Variants in PRKG1 observed in about 807,000 individuals in gnomAD.
PRKG1 encodes cGMP-dependent protein kinase 1.
Under a neutral mutation model 88.1 loss-of-function variants are expected in PRKG1, and 35 were observed. The ratio of observed to expected loss-of-function variants is 0.40; its 90% CI spans 0.30 to 0.53. The LOEUF is 0.53. Among genes scored for constraint, PRKG1 ranks in the 20% least tolerant of loss-of-function variants. The pLI is 0.59. For missense variants in PRKG1, 540 were observed against 839.8 expected (o/e 0.64, Z 4.41); for synonymous variants, 303 against 292.5 (o/e 1.04, Z -0.37).
chr10:51,746,905 C>T lies in PRKG1; in HGVS notation c.593-57680C>T, dbSNP rs763930258. On this transcript the variant is annotated intron_variant, in intron 3 of 17. Coordinates refer to ENST00000373980, the MANE Select transcript of PRKG1 (RefSeq NM_006258.4). ...AAATATTATTTTCCAAGTATGCCAACGCTTTGCTGTTTAATCCTCTGGACT... is the reference window on the plus strand; with the variant it reads ...AAATATTATTTTCCAAGTATGCCAATGCTTTGCTGTTTAATCCTCTGGACT... Among the ~76,000 whole-genome samples, 8 of 152,272 alleles carry T rather than the reference C, an allele frequency of 5.3e-5. No individual in the cohort carries two copies. The South Asian group carries it at 6.2e-4, about 12-fold the overall frequency.
At chr10:51,623,952 C>A (rs751050540) in intron 3 of PRKG1, among the ~76,000 whole-genome samples, 4 of 152,082 alleles carry the variant, frequency 2.6e-5, no homozygotes, top group Non-Finnish European at 5.9e-5. Context: ...AAAAAATAGA[C>A]CCCAGACACC....
At chr10:51,760,190 A>G (rs1837982185) in intron 3 of PRKG1, among the ~76,000 whole-genome samples, 2 of 152,200 alleles carry the variant, frequency 1.3e-5, no homozygotes, top group South Asian at 4.1e-4. Context: ...CTCAATTCAT[A>G]GTTTCCCTTC....
At chr10:52,042,325 A>G (rs1290443605) in intron 5 of PRKG1, among the ~76,000 whole-genome samples, 1 of 152,172 alleles carries the variant, frequency 6.6e-6, no homozygotes, top group African/African-American at 2.4e-5. Flanking sequence ...ACTTCAAAAT[A>G]CACTAACAAG....
chr10:51,570,067 A>ATATATATATATATATG lies in PRKG1; in HGVS notation c.592+102232_592+102233insATATATATATATATGT, dbSNP rs1491310201. Among the ~76,000 whole-genome samples, 620 of 113,028 alleles carry ATATATATATATATATG rather than the reference A, an allele frequency of 5.5e-3. 13 individuals are homozygous for ATATATATATATATATG. Among genetic ancestry groups the ATATATATATATATATG allele is most frequent in the Admixed American group, 0.032 (367 of 11,368 alleles). The allele number at this position is 113,028 out of a possible 152,430, so 74.2% of individuals were successfully genotyped here. A position where few individuals can be genotyped will look rare whatever the true frequency, so the allele number is the denominator to read the frequency against. ...CAAACTAGTATATATATATATATAT[A>ATATATATATATATATG]TGTGTGTGTGTGTTTATATATGTAT... On this transcript the variant is annotated intron_variant, in intron 3 of 17. Transcript: ENST00000373980.
intron 2 of PRKG1, among the ~76,000 whole-genome samples, chr10:51,347,781 G>A (rs1267825708): frequency 6.6e-6 from 1 of 152,094 alleles, no homozygotes; most frequent in Non-Finnish European, 1.5e-5. Flanking sequence ...GTCAACAAAG[G>A]CTGGGCGCGG....
At chr10:51,749,249 T>G (rs1003179457) in intron 3 of PRKG1, among the ~76,000 whole-genome samples, 2 of 152,222 alleles carry the variant, frequency 1.3e-5, no homozygotes, top group Non-Finnish European at 2.9e-5. Context: ...AGTTCTGTCT[T>G]AGTCAGCTCA....
intron 2 of PRKG1, among the ~76,000 whole-genome samples, chr10:51,357,091 G>T (rs1842382778): frequency 6.6e-6 from 1 of 151,956 alleles, no homozygotes; most frequent in Admixed American, 6.6e-5. Context: ...AATATTTTCT[G>T]ACTTCAATTA....
chr10:51,652,181 T>C lies in PRKG1; in HGVS notation c.593-152404T>C, dbSNP rs921871755. ...CACAACTGAACTATAACCACAAAAC[T>C]ATTATATATATTATACTATTACAAC... On this transcript the variant is annotated intron_variant, in intron 3 of 17. Transcript: ENST00000373980. Among the ~76,000 whole-genome samples, 6 of 152,152 alleles carry C rather than the reference T, an allele frequency of 3.9e-5. No individual in the cohort carries two copies. In the South Asian group the frequency reaches 1.2e-3, roughly 32 times the overall value.
Position 52,295,854 on chromosome 10 carries a change from A to G in PRKG1, c.*1954A>G, listed in dbSNP as rs1324741836. On this transcript the variant is annotated 3_prime_UTR_variant, in exon 18 of 18. Transcript: ENST00000373980. Reference sequence around the variant, plus strand: ...TAAAATGAAAAGGGTATAAACTTCAATTAGAACTTTAATCCTAAAATATTG... The same window carrying G: ...TAAAATGAAAAGGGTATAAACTTCAGTTAGAACTTTAATCCTAAAATATTG... The G allele has an allele frequency of 1.3e-5, 2 of 151,970 alleles. No homozygotes were observed. Among genetic ancestry groups the G allele is most frequent in the African/African-American group, 2.4e-5 (1 of 41,434 alleles). 9.4% of individuals were successfully genotyped at this position (151,970 alleles called of 1,614,324 possible).
intron 9 of PRKG1, among the ~76,000 whole-genome samples, chr10:52,218,785 A>C (rs1840175468): frequency 1.3e-5 from 2 of 152,196 alleles, no homozygotes; most frequent in Non-Finnish European, 2.9e-5. Context: ...TGAGCAAAAG[A>C]GCCATTAATG....
intron 3 of PRKG1, chr10:51,699,075 G>A (rs1410717631): frequency 4.3e-6 from 7 of 1,614,010 alleles, no homozygotes; most frequent in South Asian, 1.1e-5. Flanking sequence ...AACATGTTTC[G>A]AGCTTCCTGG....
chr10:52,280,947 C>T lies in PRKG1; in HGVS notation c.1545+17C>T, dbSNP rs745349839. On this transcript the variant is annotated intron_variant, in intron 13 of 17. Coordinates refer to ENST00000373980, the MANE Select transcript of PRKG1 (RefSeq NM_006258.4). ...GCCAAACTGGTCAGTGCATTTCATA[C>T]GTGCTTTCTGCCCTGCAGATTAAAA... The T allele has an allele frequency of 2.9e-5, 46 of 1,607,822 alleles. No homozygotes were observed. In the Middle Eastern group the frequency reaches 6.6e-4, roughly 23 times the overall value.
intron 1 of PRKG1, among the ~76,000 whole-genome samples, chr10:51,133,411 A>G (rs1845617304): frequency 6.6e-6 from 1 of 152,138 alleles, no homozygotes; most frequent in African/African-American, 2.4e-5. Context: ...AGGCACCTAA[A>G]CCATTGTTCT....
intron 9 of PRKG1, among the ~76,000 whole-genome samples, chr10:52,224,579 G>T: frequency 9.1e-6 from 1 of 110,392 alleles, no homozygotes; most frequent in Non-Finnish European, 1.9e-5. Context: ...CATATTTGTA[G>T]TCTATCCTTC....
intron 5 of PRKG1, among the ~76,000 whole-genome samples, chr10:51,929,620 G>T (rs1464859947): frequency 6.6e-6 from 1 of 151,964 alleles, no homozygotes; most frequent in Admixed American, 6.6e-5. Context: ...CAAAGTGCTG[G>T]GAGTACAGGC....
chr10:51,194,400 C>G (rs916073980), intron 2 of PRKG1, among the ~76,000 whole-genome samples: 1 of 151,918 alleles, frequency 6.6e-6, no homozygotes, highest in Non-Finnish European at 1.5e-5. Context: ...CACCCAACCC[C>G]CTGACAGGCC....
intron 7 of PRKG1, among the ~76,000 whole-genome samples, chr10:52,122,463 C>T (rs948824455): frequency 1.3e-5 from 2 of 152,160 alleles, no homozygotes; most frequent in Admixed American, 6.5e-5. Context: ...TTATCTTTCA[C>T]CTATTACCTT....
At chr10:51,647,510 C>T (rs77056275) in intron 3 of PRKG1, among the ~76,000 whole-genome samples, 23,174 of 152,062 alleles carry the variant, frequency 0.15, 1,972 homozygotes, top group Non-Finnish European at 0.2. Context: ...TGCCATTTAT[C>T]GTTTTTGTAT....
rs2132716584 is a variant in PRKG1, at chr10:52,174,865, ATTT to A, written c.1076+12905_1076+12907del. On this transcript the variant is annotated intron_variant, in intron 9 of 17. Coordinates refer to ENST00000373980, the MANE Select transcript of PRKG1 (RefSeq NM_006258.4). ...TACATTGTTATATCAATGCATCTTTATTTTTAATTGATATATATAACTGTTCAT... is the reference window on the plus strand; with the variant it reads ...TACATTGTTATATCAATGCATCTTTATTAATTGATATATATAACTGTTCAT... 2.0e-5 allele frequency among the ~76,000 whole-genome samples: 3 copies of A among 152,108 alleles called. No homozygotes were observed. In the South Asian group the frequency reaches 6.2e-4, roughly 31 times the overall value.
Sources: allele counts gnomAD v4.1 joint callset (sites outside exome capture counted in the v4.1 genomes callset), GRCh38; gene constraint gnomAD v4.1.1; transcripts MANE v1.5; gene names NCBI Gene and HGNC (gene_info 2026-07-23, HGNC 2026-07-21).